The following VWA8 variants were observed in gnomAD, a reference collection of about 807,000 sequenced individuals.
VWA8 encodes von Willebrand factor A domain-containing protein 8.
Under a neutral mutation model 241.5 loss-of-function variants are expected in VWA8, and 221 were observed. The observed-to-expected ratio is 0.91, with a 90% CI of 0.82 to 1.02. VWA8 has a LOEUF of 1.02. VWA8 is among the 50% of genes least tolerant of loss of function. The probability of loss-of-function intolerance (pLI) is 0.00; values close to 1 mark genes in which losing one functional copy is unlikely to be tolerated. For missense variants in VWA8, 2,322 were observed against 2,328.7 expected (o/e 1.00, Z 0.06); for synonymous variants, 852 against 827.1 (o/e 1.03, Z -0.52).
At chr13:41,645,136 G>T (rs2044822554) in intron 37 of VWA8, among the ~76,000 whole-genome samples, 1 of 152,156 alleles carries the variant, frequency 6.6e-6, no homozygotes. Flanking sequence ...CTACCTCATA[G>T]GGTCATTGTG....
chr13:41,817,454 T>A (rs542288135), intron 15 of VWA8, among the ~76,000 whole-genome samples: 16 of 152,224 alleles, frequency 1.1e-4, no homozygotes, highest in African/African-American at 3.9e-4. Context: ...TTTTAAAAGA[T>A]CAAAAAAAGA....
At chr13:41,904,753 T>A (rs1875623676) in intron 4 of VWA8, among the ~76,000 whole-genome samples, 1 of 152,180 alleles carries the variant, frequency 6.6e-6, no homozygotes, top group African/African-American at 2.4e-5. Flanking sequence ...CCAGACCATA[T>A]ATTTTAGAAA....
At chr13:41,870,766 C>T (rs949930418) in intron 9 of VWA8, among the ~76,000 whole-genome samples, 3 of 152,042 alleles carry the variant, frequency 2.0e-5, no homozygotes, top group Admixed American at 1.3e-4. Context: ...ACAGGAGTGA[C>T]GTCAGAGGAC....
chr13:41,937,681 CTG>C (rs1229695107), intron 2 of VWA8, among the ~76,000 whole-genome samples: 1 of 152,184 alleles, frequency 6.6e-6, no homozygotes, highest in Non-Finnish European at 1.5e-5. Context: ...TAAGTACACA[CTG>C]TGATGTTACA....
chr13:41,922,878 GA>G (rs1277842182), intron 2 of VWA8, among the ~76,000 whole-genome samples: 1 of 152,230 alleles, frequency 6.6e-6, no homozygotes, highest in Non-Finnish European at 1.5e-5. Flanking sequence ...ACAGTGTGGT[GA>G]TTCCTCAAGG....
rs2274931 is a variant in VWA8 at position 41,575,830 on chromosome 13, G to A, written c.5280C>T (p.Ile1760=). The change falls in exon 43 of 45, where the codon ATC becomes ATT. Residue 1760 remains isoleucine (I), a synonymous_variant. Coordinates refer to ENST00000379310, the MANE Select transcript of VWA8 (RefSeq NM_015058.2). ...TGTAGCCATCTCCAGAGTGTCCAAC[G>A]ATGTCATACTACATGCAAGAGAACC... The part of the protein sequence containing the change: ...ENYEEKFQYD[I]VGHSGDGYNI... The A allele has an allele frequency of 6.8e-6, 11 of 1,610,512 alleles. No homozygotes were observed. The highest frequency in any genetic ancestry group is 5.0e-5 in the Admixed American group (3 of 59,606).
At chr13:41,843,956 G>A in intron 12 of VWA8, among the ~76,000 whole-genome samples, 1 of 152,112 alleles carries the variant, frequency 6.6e-6, no homozygotes, top group Non-Finnish European at 1.5e-5. Flanking sequence ...CAACACAACT[G>A]AGGAATAAGG....
intron 2 of VWA8, chr13:41,926,043 G>A (rs754558361): frequency 1.1e-5 from 5 of 446,098 alleles, no homozygotes; most frequent in Admixed American, 3.0e-5. Context: ...CCTTCAAGGA[G>A]AGGGGGTCAA....
At chr13:41,924,456 G>A (rs1876731268) in intron 2 of VWA8, among the ~76,000 whole-genome samples, 1 of 150,668 alleles carries the variant, frequency 6.6e-6, no homozygotes, top group South Asian at 2.1e-4. Context: ...AAGGGAGGAA[G>A]GAAGAAAGGA....
intron 43 of VWA8, among the ~76,000 whole-genome samples, chr13:41,574,908 T>C (rs1023031169): frequency 3.9e-5 from 6 of 152,168 alleles, no homozygotes; most frequent in African/African-American, 9.7e-5. Flanking sequence ...CATTAATAGG[T>C]ATCTACCCAA....
At chr13:41,732,929 A>G (rs1347778510) in intron 21 of VWA8, among the ~76,000 whole-genome samples, 1 of 152,224 alleles carries the variant, frequency 6.6e-6, no homozygotes, top group African/African-American at 2.4e-5. Context: ...TAAGGGGATC[A>G]ATTTTGTATC....
rs1285034786 is a variant in VWA8 at position 41,570,722 on chromosome 13, G to A, written c.5371-16C>T. The stretch of plus-strand genomic sequence containing the variant: ...CATGCATTGTCTGGAGGTAAAAGAA[G>A]TTGCACAAAAGCCATGGCTGAGAAA... On this transcript the variant is annotated splice_polypyrimidine_tract_variant and intron_variant, in intron 43 of 44. Transcript: ENST00000379310. The A allele has an allele frequency of 6.2e-7, 1 of 1,603,040 alleles. No individual in the cohort carries two copies. The highest frequency in any genetic ancestry group is 8.5e-7 in the Non-Finnish European group (1 of 1,171,830).
intron 21 of VWA8, among the ~76,000 whole-genome samples, chr13:41,736,205 C>T (rs78818678): frequency 0.013 from 2,018 of 152,248 alleles, 23 homozygotes; most frequent in Middle Eastern, 0.054. Context: ...TAAGTGTTGA[C>T]ATTTATGTTA....
chr13:41,926,369 T>C (rs1045235716), intron 2 of VWA8: 2 of 559,890 alleles, frequency 3.6e-6, no homozygotes, highest in African/African-American at 3.8e-5. Flanking sequence ...GTTTCTTGGA[T>C]GAACTGGGAT....
chr13:41,661,224 C>T (rs1463341346), intron 37 of VWA8, among the ~76,000 whole-genome samples: 1 of 152,166 alleles, frequency 6.6e-6, no homozygotes, highest in Non-Finnish European at 1.5e-5. Context: ...TTACTGCTTG[C>T]CACGAAGCTG....
At chr13:41,727,425 C>G in intron 23 of VWA8, 112 bp from the exon 24 acceptor site, 3 of 950,474 alleles carry the variant, frequency 3.2e-6, no homozygotes, top group Non-Finnish European at 4.4e-6. Context: ...GTAAAAAGCT[C>G]TAAGATATTT....
chr13:41,709,769 C>CTTT (rs36103013), intron 26 of VWA8, among the ~76,000 whole-genome samples: 26 of 146,970 alleles, frequency 1.8e-4, no homozygotes, highest in South Asian at 6.4e-4. Flanking sequence ...CTGTCTCTCT[C>CTTT]TCTTTTTTTT....
intron 26 of VWA8, among the ~76,000 whole-genome samples, chr13:41,707,351 C>A (rs1002062934): frequency 5.9e-5 from 9 of 152,108 alleles, no homozygotes; most frequent in Non-Finnish European, 1.5e-5. Flanking sequence ...AAAGAAAACA[C>A]ATGCAAAAGA....
At chr13:41,778,868 GTCTTAC>G (rs1868751493) in intron 19 of VWA8, among the ~76,000 whole-genome samples, 1 of 116,060 alleles carries the variant, frequency 8.6e-6, no homozygotes, top group Non-Finnish European at 1.7e-5. Flanking sequence ...TTGAGGCGGA[GTCTTAC>G]TCTATCGCCC....
Sources: gnomAD v4.1 joint callset for allele counts (sites outside exome capture counted in the v4.1 genomes callset) on GRCh38, gnomAD v4.1.1 for gene constraint, MANE v1.5 for transcripts, NCBI Gene and HGNC (gene_info 2026-07-23, HGNC 2026-07-21) for gene names.